The following EHMT1 variants were observed in gnomAD, a reference collection of about 807,000 sequenced individuals.
The protein encoded by EHMT1 is histone-lysine N-methyltransferase EHMT1.
EHMT1 carries 15 observed loss-of-function variants against 147.2 expected under a neutral mutation model. That is an observed-to-expected ratio of 0.10 (90% CI 0.07 to 0.16). The LOEUF is 0.16. Ranked by LOEUF, EHMT1 falls within the 10% of genes least tolerant of loss-of-function variation. EHMT1 has a pLI of 1.00. For missense variants in EHMT1, 1,587 were observed against 1,772.4 expected (o/e 0.90, Z 1.88); for synonymous variants, 795 against 709.6 (o/e 1.12, Z -1.91).
chr9:137,656,882 A>C (rs999569848), intron 1 of EHMT1, among the ~76,000 whole-genome samples: 1 of 152,118 alleles, frequency 6.6e-6, no homozygotes, highest in African/African-American at 2.4e-5. Context: ...CTGGGATTAC[A>C]GGTGTGTGCC....
In EHMT1 at chr9:137,796,576, C is replaced by T. The variant is rs958896933; in HGVS notation, c.2506-2237C>T. Among the ~76,000 whole-genome samples the T allele has an allele frequency of 7.3e-5, 11 of 151,480 alleles. No homozygotes were observed. In the East Asian group the frequency reaches 1.6e-3, roughly 21 times the overall value. On this transcript the variant is annotated intron_variant, in intron 16 of 26. Transcript: ENST00000460843. The stretch of plus-strand genomic sequence containing the variant: ...AAAATTAGCTGGGCGTGGTGGTGGG[C>T]GCCTGTAGTCCCAGCTACTCGGGAG...
chr9:137,817,131 C>T (rs909667471), intron 23 of EHMT1: 2 of 457,990 alleles, frequency 4.4e-6, no homozygotes, highest in Non-Finnish European at 8.1e-6. Context: ...GCACCTCTGC[C>T]CCTCACAGTG....
chr9:137,713,807 G>A (rs1352369506), intron 2 of EHMT1, among the ~76,000 whole-genome samples: 1 of 151,736 alleles, frequency 6.6e-6, no homozygotes, highest in Non-Finnish European at 1.5e-5. Context: ...AAAATTAGCG[G>A]GATGTGGTGG....
intron 10 of EHMT1, among the ~76,000 whole-genome samples, chr9:137,774,501 G>A (rs1202774965): frequency 7.0e-5 from 8 of 114,442 alleles, no homozygotes; most frequent in Non-Finnish European, 1.2e-4. Context: ...GGGTATGGTC[G>A]CGCCTGGCCC....
chr9:137,687,865 G>A (rs564308314), intron 1 of EHMT1, among the ~76,000 whole-genome samples: 7 of 152,352 alleles, frequency 4.6e-5, no homozygotes, highest in Admixed American at 1.3e-4. Flanking sequence ...GTCAGAGCAC[G>A]TCATCGTGTC....
At chr9:137,793,395 G>A (rs1952668448) in intron 16 of EHMT1, among the ~76,000 whole-genome samples, 2 of 152,194 alleles carry the variant, frequency 1.3e-5, no homozygotes, top group South Asian at 4.1e-4. Flanking sequence ...CAGGTGAGAC[G>A]CACCTCAGAG....
chr9:137,711,078 C>T (rs1481779037), intron 2 of EHMT1, 48 bp downstream of exon 2: 1 of 1,537,326 alleles, frequency 6.5e-7, no homozygotes, highest in Non-Finnish European at 8.8e-7. Flanking sequence ...TCCCTCCAGA[C>T]TAGAAAACCT....
chr9:137,665,555 G>A (rs1939543244), intron 1 of EHMT1, among the ~76,000 whole-genome samples: 1 of 152,192 alleles, frequency 6.6e-6, no homozygotes, highest in African/African-American at 2.4e-5. Flanking sequence ...CTTGGCCCCA[G>A]AGGTAAAATG....
At chr9:137,693,131 T>C (rs1299188106) in intron 1 of EHMT1, among the ~76,000 whole-genome samples, 2 of 151,960 alleles carry the variant, frequency 1.3e-5, no homozygotes, top group Non-Finnish European at 2.9e-5. Flanking sequence ...GTTAAACTCG[T>C]AGGGGAGATG....
chr9:137,722,074 T>C (rs932804300), intron 3 of EHMT1, among the ~76,000 whole-genome samples: 3 of 152,042 alleles, frequency 2.0e-5, no homozygotes, highest in Non-Finnish European at 4.4e-5. Context: ...TGAGGTTGAA[T>C]TTATTTTTGC....
chr9:137,663,482 C>T (rs1219241948), intron 1 of EHMT1, among the ~76,000 whole-genome samples: 3 of 152,088 alleles, frequency 2.0e-5, no homozygotes, highest in Non-Finnish European at 4.4e-5. Context: ...TTGAGGTCCA[C>T]AGAAGAAAGA....
intron 16 of EHMT1, chr9:137,795,083 C>T (rs1369568370): frequency 2.0e-5 from 3 of 152,106 alleles, no homozygotes; most frequent in South Asian, 4.2e-4. Flanking sequence ...TTGACAGGTC[C>T]TTAGAGCATG....
chr9:137,702,814 G>C (rs917049123), intron 1 of EHMT1, among the ~76,000 whole-genome samples: 2 of 152,238 alleles, frequency 1.3e-5, no homozygotes, highest in Non-Finnish European at 2.9e-5. Flanking sequence ...GGAAGCTTCT[G>C]TCTGGACATC....
intron 1 of EHMT1, among the ~76,000 whole-genome samples, chr9:137,645,622 CTG>C (rs753424434): frequency 2.0e-5 from 3 of 152,288 alleles, no homozygotes; most frequent in African/African-American, 7.2e-5. Flanking sequence ...GGAAGGCTGT[CTG>C]TGTTTCCATC....
chr9:137,759,051 C>T (rs1212605674), intron 9 of EHMT1, among the ~76,000 whole-genome samples: 2 of 152,000 alleles, frequency 1.3e-5, no homozygotes, highest in Non-Finnish European at 2.9e-5. Context: ...GGTGTGAACC[C>T]AGGAAGCAGA....
At chr9:137,686,845 C>G (rs1942490102) in intron 1 of EHMT1, among the ~76,000 whole-genome samples, 1 of 151,878 alleles carries the variant, frequency 6.6e-6, no homozygotes, top group African/African-American at 2.4e-5. Flanking sequence ...ATTCTCCTGC[C>G]TCAGCCTCCC....
intron 16 of EHMT1, among the ~76,000 whole-genome samples, chr9:137,797,972 C>T (rs1265673415): frequency 3.9e-5 from 6 of 152,228 alleles, no homozygotes; most frequent in Non-Finnish European, 8.8e-5. Flanking sequence ...TCTTCTGGAG[C>T]TTCCTGGGTC....
At chr9:137,649,239 TGAGACCAGCCTGGCCAAA>T (rs537765099) in intron 1 of EHMT1, among the ~76,000 whole-genome samples, 111 of 152,078 alleles carry the variant, frequency 7.3e-4, no homozygotes, top group Non-Finnish European at 1.4e-3. Flanking sequence ...GTCAGGAGTT[TGAGACCAGCCTGGCCAAA>T]GAGACCAGCC....
In EHMT1 at chr9:137,828,434, C is replaced by T. The variant is rs1955968465; in HGVS notation, c.3541-5915C>T. Among the ~76,000 whole-genome samples the T allele has an allele frequency of 6.6e-6, 1 of 152,008 alleles. No homozygotes were observed. Among genetic ancestry groups the T allele is most frequent in the Non-Finnish European group, 1.5e-5 (1 of 67,988 alleles). ...GACCATTGCCAAGGCCACATCCTGACTCTAGGCCCCTCTGGTCTGGGCAGT... is the reference window on the plus strand; with the variant it reads ...GACCATTGCCAAGGCCACATCCTGATTCTAGGCCCCTCTGGTCTGGGCAGT... On this transcript the variant is annotated intron_variant, in intron 25 of 26. Transcript: ENST00000460843. The surrounding 1 kb of genome is among the most constrained non-coding windows in gnomAD (Gnocchi z 5.3).
Sources: gnomAD v4.1 joint callset for allele counts (sites outside exome capture counted in the v4.1 genomes callset) on GRCh38, gnomAD v4.1.1 for gene constraint, Gnocchi (gnomAD v3.1) non-coding constraint, MANE v1.5 for transcripts, NCBI Gene and HGNC (gene_info 2026-07-23, HGNC 2026-07-21) for gene names.